The following PTPN21 variants were observed in gnomAD, a reference collection of about 807,000 sequenced individuals.
PTPN21 encodes tyrosine-protein phosphatase non-receptor type 21.
PTPN21 carries 77 observed loss-of-function variants against 131.8 expected under a neutral mutation model. The observed-to-expected ratio is 0.58, with a 90% CI of 0.49 to 0.71. The LOEUF is 0.71. Among genes scored for constraint, PTPN21 ranks in the 30% least tolerant of loss-of-function variants. The pLI is 0.00. For missense variants in PTPN21, 1,552 were observed against 1,527.1 expected, an observed-to-expected ratio of 1.02 and a Z score of -0.27; for synonymous variants, 715 against 621.3, an observed-to-expected ratio of 1.15 and a Z score of -2.24.
chr14:88,488,474 A>G (rs931351020), intron 10 of PTPN21, among the ~76,000 whole-genome samples: 4 of 152,146 alleles, frequency 2.6e-5, no homozygotes, highest in Non-Finnish European at 5.9e-5. Context: ...TCTTCTTGGC[A>G]TTGTTCTTAT....
chr14:88,468,009 G>T lies in PTPN21; in HGVS notation c.*128C>A. On this transcript the variant is annotated 3_prime_UTR_variant, in exon 19 of 19. Transcript: ENST00000556564. Reference sequence around the variant, plus strand: ...CCTTCAGCGTGCCGCCATTCAGACTGCGCCACTTACGTCCCAGTGCCACGC... The same window carrying T: ...CCTTCAGCGTGCCGCCATTCAGACTTCGCCACTTACGTCCCAGTGCCACGC... 8.3e-7 allele frequency: 1 copy of T among 1,203,526 alleles called. No homozygotes were observed. The allele number at this position is 1,203,526 out of a possible 1,614,324, so 74.6% of individuals were successfully genotyped here.
intron 12 of PTPN21, among the ~76,000 whole-genome samples, chr14:88,482,827 G>A (rs73314179): frequency 6.6e-6 from 1 of 151,352 alleles, no homozygotes; most frequent in Non-Finnish European, 1.5e-5. Flanking sequence ...GTGCTGGGAG[G>A]CTCCCAGAGG....
At chr14:88,505,498 C>A in intron 4 of PTPN21, 127 bp from the exon 5 acceptor site, 1 of 561,554 alleles carries the variant, frequency 1.8e-6, no homozygotes, top group Non-Finnish European at 3.1e-6. Context: ...TTTGTTATAG[C>A]TATATAAAGT....
intron 10 of PTPN21, among the ~76,000 whole-genome samples, chr14:88,494,569 G>A (rs538190320): frequency 3.3e-5 from 5 of 152,212 alleles, no homozygotes; most frequent in Non-Finnish European, 7.4e-5. Context: ...GGCTGAGGTG[G>A]GAGGATCACC....
At chr14:88,527,020 TTGTG>T (rs2078489255) in intron 2 of PTPN21, among the ~76,000 whole-genome samples, 2 of 152,150 alleles carry the variant, frequency 1.3e-5, no homozygotes, top group African/African-American at 2.4e-5. Context: ...GTGTGCGTGT[TTGTG>T]TGTGTCACAT....
intron 4 of PTPN21, among the ~76,000 whole-genome samples, chr14:88,506,365 G>A (rs760012284): frequency 2.6e-5 from 4 of 151,778 alleles, no homozygotes; most frequent in Non-Finnish European, 4.4e-5. Context: ...ACACATACAT[G>A]TAAATACATG....
At chr14:88,476,411 G>GA (rs2077547839) in intron 13 of PTPN21, among the ~76,000 whole-genome samples, 1 of 152,126 alleles carries the variant, frequency 6.6e-6, no homozygotes. Context: ...ATTTACAAAT[G>GA]TAAAAACTGA....
chr14:88,496,613 C>G, intron 9 of PTPN21, 121 bp from the exon 10 acceptor site: 1 of 729,534 alleles, frequency 1.4e-6, no homozygotes, highest in Non-Finnish European at 2.4e-6. Context: ...TTTCAGAACA[C>G]TATAAGCCTT....
At chr14:88,478,858 GA>G (rs1595348525) in intron 13 of PTPN21, 61 bp downstream of exon 13, 17 of 1,185,256 alleles carry the variant, frequency 1.4e-5, no homozygotes, top group Non-Finnish European at 1.9e-5. Context: ...CGTGATGAGT[GA>G]AAGAAGCGCC....
At position 88,479,859 on chromosome 14, in the gene PTPN21, G is replaced by A; in HGVS notation, c.1572C>T (p.Tyr524=). ...LSYSFHSPSP[Y]PYPAERRPVV... ...CGGGCCGCCGCTCGGCAGGGTAGGG[G>A]TAGGGAGACGGGCTGTGGAAGCTGT... Residue 524 remains tyrosine (Y), a synonymous_variant, in exon 13 of 19, where the codon TAC becomes TAT. Transcript: ENST00000556564. 1.3e-6 allele frequency: 2 copies of A among 1,570,190 alleles called. No individual in the cohort carries two copies. The highest frequency in any genetic ancestry group is 3.4e-5 in the Admixed American group (2 of 58,668).
rs1219017342 is a variant in PTPN21, at chr14:88,550,402, C to G, written c.16G>C (p.Gly6Arg). Residue 6 changes from glycine (G) to arginine (R), a missense_variant, in exon 2 of 19, where the codon GGG becomes CGG. By Grantham distance (125) the Gly-to-Arg change is moderately radical (BLOSUM62 -2). Around this residue, in one of 4 missense-constraint regions of PTPN21, gnomAD observed 206 missense variants for 221.6 expected, o/e 0.93. Coordinates refer to ENST00000556564, the MANE Select transcript of PTPN21 (RefSeq NM_007039.4). MPLPF[G>R]LKLKRTRRYT... is the part of the protein sequence containing the mutation. ...CGCCGGGTGCGTTTCAGTTTCAACC[C>G]AAATGGCAGTGGCATCTTCTTCTTT... is the stretch of plus-strand genomic sequence containing the variant. The G allele has an allele frequency of 3.1e-6, 5 of 1,613,630 alleles. No homozygotes were observed. In the African/African-American group the frequency reaches 5.3e-5, roughly 17 times the overall value.
At chr14:88,503,138 C>G (rs141588478) in intron 6 of PTPN21, among the ~76,000 whole-genome samples, 2 of 151,548 alleles carry the variant, frequency 1.3e-5, no homozygotes, top group East Asian at 3.9e-4. Context: ...CAGGTTCAAG[C>G]GAATCCCCTG....
rs1281994185 is a variant in PTPN21 at position 88,479,370 on chromosome 14, C to T, written c.2061G>A (p.Pro687=). The part of the protein sequence containing the change: ...VFTERTQREG[P]EEAEGLRYGH... ...CGTACCTCAAGCCCTCCGCCTCCTC[C>T]GGCCCTTCTCGCTGTGTCCTCTCGG... is the stretch of plus-strand genomic sequence containing the variant. The change falls in exon 13 of 19, where the codon CCG becomes CCA. Residue 687 remains proline (P), a synonymous_variant. Transcript: ENST00000556564. 1 of 1,611,132 alleles carries T rather than the reference C, an allele frequency of 6.2e-7. No individual in the cohort carries two copies. The highest frequency in any genetic ancestry group is 8.5e-7 in the Non-Finnish European group (1 of 1,179,636).
rs1036844420 is a variant in PTPN21 at position 88,550,518 on chromosome 14, C to A, written c.-101G>T. 67 of 1,141,756 alleles carry A rather than the reference C, an allele frequency of 5.9e-5. 1 individual carries two copies. The East Asian group carries it at 1.7e-3, about 29-fold the overall frequency. 70.7% of individuals were successfully genotyped at this position (1,141,756 alleles called of 1,614,324 possible). On this transcript the variant is annotated 5_prime_UTR_variant, in exon 2 of 19. Transcript: ENST00000556564. ...AGAAAGCGATCCTCTCCGGATGGGA[C>A]GAACACTGTCCGGCCTCCAGCTGCT...
rs1491339799 is a variant in PTPN21, at chr14:88,466,770, T to TA, written c.*1366dup. The TA allele has an allele frequency of 0.015, 23 of 1,490 alleles. No homozygotes were observed. Among genetic ancestry groups the TA allele is most frequent in the Non-Finnish European group, 0.062 (1 of 16 alleles). 0.1% of individuals were successfully genotyped at this position (1,490 alleles called of 1,614,324 possible). ...AAACAGCTAACACTGGCCAGGGAAT[T>TA]ATTAAGGAGCTAAAATGCAAGTACC... On this transcript the variant is annotated 3_prime_UTR_variant, in exon 19 of 19. Transcript: ENST00000556564.
intron 6 of PTPN21, among the ~76,000 whole-genome samples, chr14:88,502,802 A>G (rs917106744): frequency 6.6e-6 from 1 of 152,200 alleles, no homozygotes; most frequent in African/African-American, 2.4e-5. Context: ...CTTTAATCCC[A>G]GGGTAATGAA....
At chr14:88,533,966 C>T (rs1448156427) in intron 2 of PTPN21, among the ~76,000 whole-genome samples, 1 of 152,104 alleles carries the variant, frequency 6.6e-6, no homozygotes, top group Non-Finnish European at 1.5e-5. Flanking sequence ...CATGTTACCG[C>T]CCCTGAAAAC....
intron 13 of PTPN21, among the ~76,000 whole-genome samples, chr14:88,476,586 C>T (rs1319055706): frequency 2.0e-5 from 3 of 152,060 alleles, no homozygotes; most frequent in East Asian, 1.9e-4. Context: ...CATAATGCCA[C>T]GAAGCAGGCA....
intron 14 of PTPN21, among the ~76,000 whole-genome samples, chr14:88,473,132 T>C (rs1015153243): frequency 1.3e-5 from 2 of 152,100 alleles, no homozygotes; most frequent in Non-Finnish European, 2.9e-5. Flanking sequence ...GTTTCCATTT[T>C]ATGTCATACG....
Sources: gnomAD v4.1 joint callset for allele counts (sites outside exome capture counted in the v4.1 genomes callset) on GRCh38, gnomAD v4.1.1 for gene constraint, gnomAD v4.1.1 regional missense constraint, MANE v1.5 for transcripts, NCBI Gene and HGNC (gene_info 2026-07-23, HGNC 2026-07-21) for gene names.